Variants in LSM14A observed in about 807,000 individuals in gnomAD.
LSM14A encodes the protein LSM14A mRNA processing body assembly factor.
A neutral mutation model predicts 52.4 loss-of-function variants in LSM14A; 14 were observed. The ratio of observed to expected loss-of-function variants is 0.27; its 90% confidence interval spans 0.18 to 0.42. The LOEUF is 0.42. Among genes scored for constraint, LSM14A ranks in the 10% least tolerant of loss-of-function variants. LSM14A has a pLI of 1.00. For missense variants in LSM14A, 417 were observed against 581.8 expected, an observed-to-expected ratio of 0.72 and a Z score of 2.91; for synonymous variants, 185 against 200.3, an observed-to-expected ratio of 0.92 and a Z score of 0.64.
At chr19:34,192,120 G>A (rs1599674744) in intron 1 of LSM14A, among the ~76,000 whole-genome samples, 3 of 152,012 alleles carry the variant, frequency 2.0e-5, no homozygotes, top group African/African-American at 2.4e-5. Flanking sequence ...ATAAAATTTC[G>A]TGGTATGAGT....
At chr19:34,195,072 A>G (rs1338373474) in intron 2 of LSM14A, 1 of 179,868 alleles carries the variant, frequency 5.6e-6, no homozygotes, top group East Asian at 1.8e-4. Flanking sequence ...TTTATATTGC[A>G]AACCAAGGCA....
At chr19:34,179,931 T>C (rs2069357763) in intron 1 of LSM14A, among the ~76,000 whole-genome samples, 1 of 152,210 alleles carries the variant, frequency 6.6e-6, no homozygotes, top group Admixed American at 6.5e-5. Context: ...AAGTAAATTT[T>C]GTTGTTGTTG....
chr19:34,172,978 C>T (rs939951385), intron 1 of LSM14A, among the ~76,000 whole-genome samples: 7 of 152,226 alleles, frequency 4.6e-5, no homozygotes, highest in African/African-American at 1.7e-4. Flanking sequence ...CGCCTGAAGC[C>T]CGGGGAACTA....
At chr19:34,195,003 A>C (rs892253071) in intron 2 of LSM14A, among the ~76,000 whole-genome samples, 1 of 152,052 alleles carries the variant, frequency 6.6e-6, no homozygotes, top group Non-Finnish European at 1.5e-5. Context: ...CAATTTGAAC[A>C]GATCCAGGCA....
intron 3 of LSM14A, among the ~76,000 whole-genome samples, chr19:34,206,081 A>G (rs974149034): frequency 6.6e-6 from 1 of 152,234 alleles, no homozygotes. Flanking sequence ...TAAAATCTCA[A>G]TATCTCTATA....
intron 1 of LSM14A, among the ~76,000 whole-genome samples, chr19:34,192,318 T>TG (rs1491242924): frequency 1.3e-5 from 1 of 76,104 alleles, no homozygotes; most frequent in East Asian, 2.6e-4. Context: ...TTCTTTTTGT[T>TG]GTTTTTTTTT....
chr19:34,172,709 G>C lies in LSM14A; in HGVS notation c.67G>C (p.Glu23Gln), dbSNP rs367850638. The C allele has an allele frequency of 6.3e-7, 1 of 1,582,070 alleles. No homozygotes were observed. The highest frequency in any genetic ancestry group is 1.4e-5 in the African/African-American group (1 of 71,610). ...CATCTCCAAGGCGGAGATCCGCTACGAGGGCATCCTCTACACCATCGACAC... is the reference window on the plus strand; with the variant it reads ...CATCTCCAAGGCGGAGATCCGCTACCAGGGCATCCTCTACACCATCGACAC... ...SLISKAEIRY[E>Q]GILYTIDTEN... Residue 23 changes from glutamate (E) to glutamine (Q), a missense_variant, in exon 1 of 10, where the codon GAG becomes CAG. Glu to Gln is a conservative substitution (Grantham distance 29, BLOSUM62 2). Transcript: ENST00000544216.
chr19:34,197,116 A>G (rs927049516), intron 3 of LSM14A, among the ~76,000 whole-genome samples: 1 of 152,002 alleles, frequency 6.6e-6, no homozygotes, highest in Non-Finnish European at 1.5e-5. Flanking sequence ...TTTAAAGACA[A>G]AGTCTCACTC....
At chr19:34,221,888 A>G (rs1483077555) in intron 9 of LSM14A, 150 bp downstream of exon 9, 1 of 1,393,716 alleles carries the variant, frequency 7.2e-7, no homozygotes, top group Non-Finnish European at 9.4e-7. Flanking sequence ...TACGTGATTC[A>G]GATGTATATA....
chr19:34,183,146 A>G (rs117980778), intron 1 of LSM14A, among the ~76,000 whole-genome samples: 2,396 of 152,356 alleles, frequency 0.016, 25 homozygotes, highest in Non-Finnish European at 0.026. Context: ...AGCAGCTTAG[A>G]GAGTCAACAT....
At chr19:34,198,531 G>A (rs532073076) in intron 3 of LSM14A, among the ~76,000 whole-genome samples, 25 of 152,252 alleles carry the variant, frequency 1.6e-4, no homozygotes, top group Admixed American at 1.1e-3. Context: ...TAGGAGAATC[G>A]CTTGAACCTG....
At chr19:34,182,645 G>C (rs1465772624) in intron 1 of LSM14A, among the ~76,000 whole-genome samples, 1 of 149,700 alleles carries the variant, frequency 6.7e-6, no homozygotes, top group African/African-American at 2.5e-5. Flanking sequence ...AGACCATCCT[G>C]GCTAACATGG....
At chr19:34,208,103 G>A (rs1157361163) in intron 3 of LSM14A, 1 of 152,198 alleles carries the variant, frequency 6.6e-6, no homozygotes, top group Non-Finnish European at 1.5e-5. Context: ...GAAGTGAATA[G>A]TTTGAACTTT....
chr19:34,226,736 C>T (rs576008748), intron 9 of LSM14A, among the ~76,000 whole-genome samples: 4 of 152,134 alleles, frequency 2.6e-5, no homozygotes, highest in Non-Finnish European at 5.9e-5. Context: ...GGCTCCAGCC[C>T]TTTGTACAGG....
intron 1 of LSM14A, 140 bp from the exon 2 acceptor site, chr19:34,194,338 T>C (rs1479993822): frequency 3.7e-6 from 3 of 803,490 alleles, no homozygotes; most frequent in East Asian, 2.6e-5. Context: ...AAAAAAACTT[T>C]TTTAGCTATA....
chr19:34,222,788 G>A (rs1294419061), intron 9 of LSM14A, among the ~76,000 whole-genome samples: 1 of 152,182 alleles, frequency 6.6e-6, no homozygotes, highest in Non-Finnish European at 1.5e-5. Flanking sequence ...GTGGCCTTAT[G>A]TAGTTGCGGG....
rs1386612672 is a variant in LSM14A at position 34,208,967 on chromosome 19, A to G, written c.454A>G (p.Asn152Asp). Reference sequence around the variant, plus strand: ...GACATCCTTTGGAACAGAAACATCAAACAGTGGTACCTTACCCCAAAGTAG... The same window carrying G: ...GACATCCTTTGGAACAGAAACATCAGACAGTGGTACCTTACCCCAAAGTAG... Reference protein sequence around the residue: ...SLTSFGTETSNSGTLPQSSAV... With the variant: ...SLTSFGTETSDSGTLPQSSAV... Residue 152 changes from asparagine (N) to aspartate (D), a missense_variant, in exon 4 of 10, where the codon AAC becomes GAC. Coordinates refer to ENST00000544216, the MANE Select transcript of LSM14A (RefSeq NM_015578.4). 1.2e-6 allele frequency: 2 copies of G among 1,610,514 alleles called. No individual in the cohort carries two copies. The highest frequency in any genetic ancestry group is 2.2e-5 in the South Asian group (2 of 90,364).
chr19:34,183,506 G>A (rs147438209), intron 1 of LSM14A, among the ~76,000 whole-genome samples: 3,687 of 152,138 alleles, frequency 0.024, 64 homozygotes, highest in Non-Finnish European at 0.035. Flanking sequence ...AGCTGAGATC[G>A]TGCTATTGCA....
intron 1 of LSM14A, among the ~76,000 whole-genome samples, chr19:34,177,142 A>G (rs1158995885): frequency 6.6e-6 from 1 of 152,170 alleles, no homozygotes; most frequent in African/African-American, 2.4e-5. Flanking sequence ...TTCTGAATAT[A>G]TCTCCATTGT....
Sources: allele counts gnomAD v4.1 joint callset (sites outside exome capture counted in the v4.1 genomes callset), GRCh38; gene constraint gnomAD v4.1.1; transcripts MANE v1.5; gene names NCBI Gene and HGNC (gene_info 2026-07-23, HGNC 2026-07-21).